The following CFAP54 variants were observed in gnomAD, a reference collection of about 807,000 sequenced individuals.
CFAP54 encodes the protein cilia- and flagella-associated protein 54.
CFAP54 carries 290 observed loss-of-function variants against 370.4 expected under a neutral mutation model. The observed-to-expected ratio is 0.78, with a 90% CI of 0.71 to 0.86. The LOEUF (loss-of-function observed/expected upper bound fraction) is 0.86, where lower values mean the gene tolerates loss of function less well. Among genes scored for constraint, CFAP54 ranks in the 40% least tolerant of loss-of-function variants. The pLI, the probability that CFAP54 is intolerant of heterozygous loss-of-function variation, is 0.00. For synonymous variants in CFAP54, 1,206 were observed against 1,236.5 expected, an observed-to-expected ratio of 0.98 and a Z score of 0.52; for missense variants, 3,399 against 3,528.7, an observed-to-expected ratio of 0.96 and a Z score of 0.93.
intron 60 of CFAP54, among the ~76,000 whole-genome samples, chr12:96,767,008 T>A (rs1958407868): frequency 6.6e-6 from 1 of 152,168 alleles, no homozygotes; most frequent in Non-Finnish European, 1.5e-5. Flanking sequence ...TGGGGTATGA[T>A]CTTCTCATGG....
chr12:96,662,321 C>T (rs986082023), intron 38 of CFAP54, among the ~76,000 whole-genome samples: 3 of 152,154 alleles, frequency 2.0e-5, no homozygotes, highest in Non-Finnish European at 4.4e-5. Context: ...TTTCATGCCT[C>T]AGCTTCCTGA....
intron 33 of CFAP54, chr12:96,645,771 A>T (rs1464246783): frequency 6.6e-6 from 1 of 152,238 alleles, no homozygotes; most frequent in Non-Finnish European, 1.5e-5. Context: ...AATGGAACAG[A>T]ACAGAGCCCT....
Position 96,554,024 on chromosome 12 carries a change from A to G in CFAP54, c.2155-158A>G, listed in dbSNP as rs985935227. On this transcript the variant is annotated intron_variant, in intron 15 of 67. Transcript: ENST00000524981. ...TATTGATAGCACTCCACATTTAGTC[A>G]CAGATAAATACATGTAGTTAGAGAC... 2.6e-5 allele frequency among the ~76,000 whole-genome samples: 4 copies of G among 152,200 alleles called. No homozygotes were observed. In the East Asian group the frequency reaches 7.7e-4, roughly 29 times the overall value.
At chr12:96,701,645 G>T (rs1957492443) in intron 46 of CFAP54, among the ~76,000 whole-genome samples, 1 of 152,166 alleles carries the variant, frequency 6.6e-6, no homozygotes, top group Non-Finnish European at 1.5e-5. Context: ...TTTGAGGGAA[G>T]TGAGCCATGG....
intron 66 of CFAP54, among the ~76,000 whole-genome samples, chr12:96,845,954 A>G (rs1331453774): frequency 6.6e-6 from 1 of 152,198 alleles, no homozygotes; most frequent in East Asian, 1.9e-4. Context: ...ATTATACAAC[A>G]TGACCCATAG....
Position 96,664,618 on chromosome 12 carries a change from ACGTATG to A in CFAP54, c.5563+687_5563+692del, listed in dbSNP as rs1275719039. Among the ~76,000 whole-genome samples the A allele has an allele frequency of 1.8e-4, 14 of 77,420 alleles. No individual in the cohort carries two copies. The Admixed American group carries it at 2.0e-3, about 11-fold the overall frequency. 50.8% of individuals were successfully genotyped at this position (77,420 alleles called of 152,430 possible). On this transcript the variant is annotated intron_variant, in intron 39 of 67. Coordinates refer to ENST00000524981, the MANE Select transcript of CFAP54 (RefSeq NM_001306084.2). Reference sequence around the variant, plus strand: ...TTCTTCCAGCTGTGCCTTACCAAGAACGTATGTGTGTGTGTGTGTGTGTGTGTGTGT... The same window carrying A: ...TTCTTCCAGCTGTGCCTTACCAAGAATGTGTGTGTGTGTGTGTGTGTGTGT...
chr12:96,665,392 C>T (rs1392900069), intron 39 of CFAP54, among the ~76,000 whole-genome samples: 1 of 152,088 alleles, frequency 6.6e-6, no homozygotes, highest in Non-Finnish European at 1.5e-5. Context: ...GAAATCTTTG[C>T]CTGTGCCTAT....
At chr12:96,740,760 CTTAG>C (rs1225168048) in intron 51 of CFAP54, among the ~76,000 whole-genome samples, 1 of 152,108 alleles carries the variant, frequency 6.6e-6, no homozygotes, top group Non-Finnish European at 1.5e-5. Context: ...TAAAAATTGA[CTTAG>C]AATAATGATT....
At chr12:96,529,175 A>G (rs749968784) in intron 9 of CFAP54, among the ~76,000 whole-genome samples, 9 of 152,214 alleles carry the variant, frequency 5.9e-5, no homozygotes, top group Admixed American at 4.6e-4. Context: ...GGCCTAGCAC[A>G]TGACCAGCTT....
intron 60 of CFAP54, among the ~76,000 whole-genome samples, chr12:96,772,336 T>A (rs574307388): frequency 2.5e-4 from 38 of 152,310 alleles, no homozygotes; most frequent in Non-Finnish European, 4.4e-4. Context: ...AGGGATACAT[T>A]ATTCTAAAAG....
In CFAP54 at chr12:96,859,843, A is replaced by C. The variant is rs143072793; in HGVS notation, c.9172-976A>C. On this transcript the variant is annotated intron_variant, in intron 66 of 67. Coordinates refer to ENST00000524981, the MANE Select transcript of CFAP54 (RefSeq NM_001306084.2). ...TCCATTTTTTTAAAAAAAAGAAAAA[A>C]ACCATCTGGAAGGATACTCTCCAAT... Among the ~76,000 whole-genome samples the C allele has an allele frequency of 5.9e-5, 9 of 152,320 alleles. No homozygotes were observed. The East Asian group carries it at 1.5e-3, about 26-fold the overall frequency.
chr12:96,570,646 T>A lies in CFAP54; in HGVS notation c.2619+5881T>A, dbSNP rs78953785. Among the ~76,000 whole-genome samples the A allele has an allele frequency of 1.7e-4, 26 of 152,344 alleles. No individual in the cohort carries two copies. The East Asian group carries it at 4.0e-3, about 24-fold the overall frequency. On this transcript the variant is annotated intron_variant, in intron 19 of 67. Coordinates refer to ENST00000524981, the MANE Select transcript of CFAP54 (RefSeq NM_001306084.2). ...GCTCTCTTAAGATTCAATTTCTTCATCTGTGAAACAGGGATTCTTGGGAAG... is the reference window on the plus strand; with the variant it reads ...GCTCTCTTAAGATTCAATTTCTTCAACTGTGAAACAGGGATTCTTGGGAAG...
intron 14 of CFAP54, among the ~76,000 whole-genome samples, chr12:96,547,075 A>C (rs1955648215): frequency 1.3e-5 from 2 of 152,214 alleles, no homozygotes; most frequent in Admixed American, 1.3e-4. Flanking sequence ...TATAACTTCT[A>C]AGAATGTTAT....
chr12:96,709,485 C>T (rs915969801), intron 48 of CFAP54, among the ~76,000 whole-genome samples: 1 of 152,024 alleles, frequency 6.6e-6, no homozygotes, highest in African/African-American at 2.4e-5. Flanking sequence ...CATAGATATG[C>T]TTTATCAGGT....
At position 96,671,411 on chromosome 12, in the gene CFAP54, A is replaced by T. The variant is rs150087538; in HGVS notation, c.5563+7479A>T. Among the ~76,000 whole-genome samples the T allele has an allele frequency of 3.7e-3, 558 of 152,228 alleles. 16 individuals carry two copies. The highest frequency in any genetic ancestry group is 0.032 in the Admixed American group (482 of 15,298). ...AGGGGTTTTTTTTGTGTGTTTATTG[A>T]TAACTAATCTGTTCCTCCTGATAAA... On this transcript the variant is annotated intron_variant, in intron 39 of 67. Transcript: ENST00000524981.
chr12:96,489,919 C>T lies in CFAP54; in HGVS notation c.310C>T (p.Arg104Trp). Residue 104 changes from arginine (R) to tryptophan (W), a missense_variant, in exon 1 of 68, where the codon CGG becomes TGG. Arg to Trp is a moderately radical substitution (Grantham distance 101, BLOSUM62 -3). Coordinates refer to ENST00000524981, the MANE Select transcript of CFAP54 (RefSeq NM_001306084.2). ...TTEEEKHEFR[R>W]RCATSLFNIW... ...GGAGGAAGAGAAGCACGAATTCCGC[C>T]GGCGTTGGTAAGCGCTGGCGGGGCA... 6.5e-7 allele frequency: 1 copy of T among 1,531,384 alleles called. No individual in the cohort carries two copies. The highest frequency in any genetic ancestry group is 1.7e-4 in the Middle Eastern group (1 of 5,964). 94.9% of individuals were successfully genotyped at this position (1,531,384 alleles called of 1,614,324 possible).
intron 25 of CFAP54, among the ~76,000 whole-genome samples, chr12:96,594,678 A>AT (rs1347946272): frequency 2.6e-5 from 4 of 152,194 alleles, no homozygotes; most frequent in African/African-American, 9.7e-5. Context: ...GTTCCTGTCC[A>AT]TATTTAAATA....
At chr12:96,871,063 GA>G (rs1251796909) in intron 67 of CFAP54, among the ~76,000 whole-genome samples, 6 of 152,144 alleles carry the variant, frequency 3.9e-5, no homozygotes, top group Admixed American at 3.9e-4. Context: ...ATTAAGGAGG[GA>G]ATGTTTCAAC....
chr12:96,750,763 C>T (rs923874180), intron 55 of CFAP54, among the ~76,000 whole-genome samples: 1 of 152,116 alleles, frequency 6.6e-6, no homozygotes, highest in African/African-American at 2.4e-5. Flanking sequence ...ATACTGTTGC[C>T]GTGTTTTAGA....
Sources: allele counts gnomAD v4.1 joint callset (sites outside exome capture counted in the v4.1 genomes callset), GRCh38; gene constraint gnomAD v4.1.1; transcripts MANE v1.5; gene names NCBI Gene and HGNC (gene_info 2026-07-23, HGNC 2026-07-21).